Variants in FRMPD4 observed in about 807,000 individuals in gnomAD.
FRMPD4 encodes FERM and PDZ domain-containing protein 4.
A neutral mutation model predicts 94.1 loss-of-function variants in FRMPD4; 22 were observed. The observed-to-expected ratio is 0.23, with a 90% CI of 0.17 to 0.33. The LOEUF is 0.33. Among genes scored for constraint, FRMPD4 ranks in the 10% least tolerant of loss-of-function variants. The probability of loss-of-function intolerance (pLI) is 1.00; values close to 1 mark genes in which losing one functional copy is unlikely to be tolerated. For synonymous variants in FRMPD4, 631 were observed against 548.6 expected (o/e 1.15, Z -2.10); for missense variants, 1,111 against 1,339.9 (o/e 0.83, Z 2.67).
At chrX:12,157,647 C>T (rs1370157695) in intron 1 of FRMPD4, among the ~76,000 whole-genome samples, 1 of 112,165 alleles carries the variant, frequency 8.9e-6, no homozygotes, top group Non-Finnish European at 1.9e-5. Context: ...GGATCCAGCC[C>T]TGTCAGAAGC....
chrX:11,951,863 G>A lies in FRMPD4; in HGVS notation c.95+73845G>A, dbSNP rs181024854. Among the ~76,000 whole-genome samples the A allele has an allele frequency of 1.2e-4, 13 of 111,096 alleles. No homozygotes were observed. The East Asian group carries it at 2.0e-3, about 17-fold the overall frequency. ...AGCCTGGGCAACAAGACAAAATCCC[G>A]TCTCTAACAACAACAACAAAAAATT... On this transcript the variant is annotated intron_variant, in intron 3 of 18. Transcript: ENST00000640291.
intron 3 of FRMPD4, among the ~76,000 whole-genome samples, chrX:12,088,631 G>A (rs1336918242): frequency 9.0e-6 from 1 of 111,656 alleles, no homozygotes; most frequent in African/African-American, 3.3e-5. Flanking sequence ...AGAATTGAAG[G>A]GTTTTCGTGA....
At chrX:11,913,034 T>C (rs1406965656) in intron 3 of FRMPD4, among the ~76,000 whole-genome samples, 1 of 112,069 alleles carries the variant, frequency 8.9e-6, no homozygotes, top group East Asian at 2.8e-4. Flanking sequence ...CTAAGTGACC[T>C]AGTTGAAATT....
chrX:11,886,906 C>CG (rs2053848502), intron 3 of FRMPD4, among the ~76,000 whole-genome samples: 1 of 110,720 alleles, frequency 9.0e-6, no homozygotes, highest in Admixed American at 9.6e-5. Flanking sequence ...CATGTCTCCT[C>CG]GGGGGGACCT....
intron 1 of FRMPD4, among the ~76,000 whole-genome samples, chrX:12,166,588 A>G (rs5979529): frequency 9.0e-6 from 1 of 110,848 alleles, no homozygotes; most frequent in African/African-American, 3.3e-5. Flanking sequence ...GGAGGATTCC[A>G]TCTTTTTCTA....
At chrX:11,919,016 C>T (rs1346337311) in intron 3 of FRMPD4, among the ~76,000 whole-genome samples, 1 of 112,515 alleles carries the variant, frequency 8.9e-6, no homozygotes, top group African/African-American at 3.2e-5. Context: ...TTCTCTTTCT[C>T]CTGTTCCTTT....
chrX:12,070,914 G>A (rs753326361), intron 3 of FRMPD4, among the ~76,000 whole-genome samples: 15 of 112,335 alleles, frequency 1.3e-4, no homozygotes, highest in Non-Finnish European at 2.6e-4. Context: ...ACAGCGATTT[G>A]GTGGCTGGTT....
intron 3 of FRMPD4, among the ~76,000 whole-genome samples, chrX:11,917,341 A>G (rs971668033): frequency 8.9e-6 from 1 of 112,455 alleles, no homozygotes; most frequent in South Asian, 3.7e-4. Context: ...GAGATTTATC[A>G]GAGAACTAAA....
At chrX:12,260,299 C>T (rs1178515246) in intron 1 of FRMPD4, among the ~76,000 whole-genome samples, 1 of 111,929 alleles carries the variant, frequency 8.9e-6, no homozygotes, top group East Asian at 2.8e-4. Flanking sequence ...ATACCTAAAA[C>T]TCAACTTCCC....
At chrX:12,635,093 C>T (rs1217935334) in intron 4 of FRMPD4, among the ~76,000 whole-genome samples, 1 of 111,647 alleles carries the variant, frequency 9.0e-6, no homozygotes, top group African/African-American at 3.3e-5. Flanking sequence ...CCTGGCCTCC[C>T]AAAGTTCTGG....
chrX:12,445,939 T>C (rs997490532), intron 1 of FRMPD4, among the ~76,000 whole-genome samples: 1 of 112,703 alleles, frequency 8.9e-6, no homozygotes, highest in Admixed American at 9.4e-5. Context: ...AGGTCTCACA[T>C]GTTCTTGTGT....
intron 1 of FRMPD4, among the ~76,000 whole-genome samples, chrX:12,213,632 C>G (rs115315462): frequency 0.079 from 8,779 of 111,641 alleles, 810 homozygotes; most frequent in African/African-American, 0.27. Flanking sequence ...GTTCTTGATG[C>G]ATGAGAAGTA....
intron 3 of FRMPD4, among the ~76,000 whole-genome samples, chrX:11,930,508 C>A (rs1352449397): frequency 9.0e-6 from 1 of 110,813 alleles, no homozygotes; most frequent in Non-Finnish European, 1.9e-5. Flanking sequence ...CAAGGGATAC[C>A]TATAGTCACC....
At chrX:12,109,815 T>A (rs2055339210) in intron 3 of FRMPD4, among the ~76,000 whole-genome samples, 1 of 111,423 alleles carries the variant, frequency 9.0e-6, no homozygotes, top group Non-Finnish European at 1.9e-5. Context: ...AACTAGAAAA[T>A]CTAGAAGAAA....
At chrX:12,716,041 G>T in intron 14 of FRMPD4, 28 bp from the exon 15 acceptor site, 2 of 381,053 alleles carry the variant, frequency 5.2e-6, no homozygotes, top group Non-Finnish European at 8.5e-6. Flanking sequence ...GTACAGTAAT[G>T]TGTCTTTGCG....
chrX:11,901,962 G>A (rs2053940433), intron 3 of FRMPD4, among the ~76,000 whole-genome samples: 1 of 111,563 alleles, frequency 9.0e-6, no homozygotes, highest in Non-Finnish European at 1.9e-5. Flanking sequence ...TTTGTTTCTT[G>A]TGGATTTGTT....
intron 1 of FRMPD4, among the ~76,000 whole-genome samples, chrX:12,379,595 A>C (rs1265630536): frequency 9.1e-6 from 1 of 109,979 alleles, no homozygotes; most frequent in Non-Finnish European, 1.9e-5. Flanking sequence ...GATAATTTGT[A>C]ATATGTTATA....
At chrX:12,198,080 CATA>C (rs1213055903) in intron 1 of FRMPD4, among the ~76,000 whole-genome samples, 1 of 111,934 alleles carries the variant, frequency 8.9e-6, no homozygotes, top group African/African-American at 3.2e-5. Context: ...TAATATAAAA[CATA>C]TACAGATTAA....
At chrX:12,719,233 G>A (rs754577588) in intron 16 of FRMPD4, among the ~76,000 whole-genome samples, 2 of 112,698 alleles carry the variant, frequency 1.8e-5, no homozygotes, top group African/African-American at 3.2e-5. Context: ...GAGGGGTTTG[G>A]AGAGATCATT....
Sources: allele counts gnomAD v4.1 joint callset (sites outside exome capture counted in the v4.1 genomes callset), GRCh38; gene constraint gnomAD v4.1.1; transcripts MANE v1.5; gene names NCBI Gene and HGNC (gene_info 2026-07-23, HGNC 2026-07-21).